The following NAV1 variants were observed in gnomAD, a reference collection of about 807,000 sequenced individuals.
NAV1 encodes neuron navigator 1.
NAV1 carries 18 observed loss-of-function variants against 175.2 expected under a neutral mutation model. The ratio of observed to expected loss-of-function variants is 0.10; its 90% CI spans 0.07 to 0.15. NAV1 has a LOEUF of 0.15. Among genes scored for constraint, NAV1 ranks in the 10% least tolerant of loss-of-function variants. The pLI, the probability that NAV1 is intolerant of heterozygous loss-of-function variation, is 1.00. For synonymous variants in NAV1, 897 were observed against 978.7 expected (o/e 0.92, Z 1.56); for missense variants, 1,731 against 2,436.6 (o/e 0.71, Z 6.10).
At chr1:201,645,745 TCTG>T (rs900063634), upstream of NAV1, among the ~76,000 whole-genome samples, 12 of 152,202 alleles carry the variant, frequency 7.9e-5, no homozygotes, top group African/African-American at 2.9e-4. Flanking sequence ...TTTCCCTTTG[TCTG>T]CTAAGGAGAA....
rs113892310 is a variant in NAV1 at position 201,748,064 on chromosome 1, C to T, written c.1226+29309C>T. ...TTGTAGTTGCCTTTCCCTGGAAAGG[C>T]GGCTCTCTGAGTGAGAAAACTTCAT... On this transcript the variant is annotated intron_variant, in intron 3 of 29. Coordinates refer to ENST00000367296, the Ensembl canonical transcript of NAV1. 3.9e-5 allele frequency among the ~76,000 whole-genome samples: 6 copies of T among 152,302 alleles called. No homozygotes were observed. In the East Asian group the frequency reaches 9.6e-4, roughly 24 times the overall value.
At chr1:201,649,633 A>G (rs1446054719) in intron 1 of NAV1, among the ~76,000 whole-genome samples, 1 of 152,152 alleles carries the variant, frequency 6.6e-6, no homozygotes, top group African/African-American at 2.4e-5. Context: ...TCTTAAAGAC[A>G]TTACAGGCGG....
rs1184960764 is a variant in NAV1 at position 201,679,965 on chromosome 1, T to C, written c.757+30540T>C. Among the ~76,000 whole-genome samples the C allele has an allele frequency of 2.6e-5, 4 of 152,360 alleles. No homozygotes were observed. In the South Asian group the frequency reaches 6.2e-4, roughly 24 times the overall value. ...TGTACTCATGGGAGTGTTTATCTTA[T>C]ACTCTGAGTTATAATTCAGTACTAT... On this transcript the variant is annotated intron_variant, in intron 1 of 29. Coordinates refer to ENST00000367296, the Ensembl canonical transcript of NAV1.
chr1:201,815,775 G>A (rs1251286937), intron 28 of NAV1, among the ~76,000 whole-genome samples: 1 of 152,130 alleles, frequency 6.6e-6, no homozygotes, highest in Non-Finnish European at 1.5e-5. Flanking sequence ...TTTCACTCTT[G>A]TTGCCCAGGC....
chr1:201,727,865 A>G (rs1302224410), intron 3 of NAV1, among the ~76,000 whole-genome samples: 2 of 152,218 alleles, frequency 1.3e-5, no homozygotes, highest in Non-Finnish European at 2.9e-5. Flanking sequence ...GGCTGAGGGC[A>G]GCTCCTAGAG....
At chr1:201,773,807 T>C (rs544226802) in intron 3 of NAV1, among the ~76,000 whole-genome samples, 3 of 152,350 alleles carry the variant, frequency 2.0e-5, no homozygotes, top group African/African-American at 7.2e-5. Flanking sequence ...AATTTACCTC[T>C]ATAATCTGTT....
intron 2 of NAV1, among the ~76,000 whole-genome samples, chr1:201,640,668 CCAGGGCTT>C (rs1283371890): frequency 6.6e-6 from 1 of 152,158 alleles, no homozygotes; most frequent in Non-Finnish European, 1.5e-5. Flanking sequence ...TCACTCTGGC[CCAGGGCTT>C]CAGGGAAGGG....
chr1:201,648,451 C>G (rs1571862020), exon 1 of NAV1: 1 of 1,232,148 alleles, frequency 8.1e-7, no homozygotes, highest in Non-Finnish European at 1.0e-6. Context: ...TTCCTTTTTC[C>G]CGGCTTCCTT....
intron 2 of NAV1, among the ~76,000 whole-genome samples, 98 bp downstream of exon 2, chr1:201,588,747 T>C (rs950446856): frequency 7.9e-5 from 12 of 152,164 alleles, no homozygotes; most frequent in Non-Finnish European, 1.6e-4. Context: ...TAGTTATGGG[T>C]TTCTTTTGTT....
chr1:201,684,877 G>A (rs1670617648), intron 1 of NAV1, among the ~76,000 whole-genome samples: 2 of 150,836 alleles, frequency 1.3e-5, no homozygotes, highest in African/African-American at 4.9e-5. Flanking sequence ...GCAGGAGAAT[G>A]ACGTGACCCC....
rs146975854 is a variant in NAV1, at chr1:201,626,684, T to C, written c.-100-2720T>C. On this transcript the variant is annotated intron_variant, in intron 1 of 29. Coordinates refer to the NAV1 transcript ENST00000367302. ...CTTTTCCCAACTGCCAGTGCACCCT[T>C]TACCACCTCCCTAACCCCCAACAGT... is the stretch of plus-strand genomic sequence containing the variant. 6.2e-3 allele frequency among the ~76,000 whole-genome samples: 944 copies of C among 152,316 alleles called. 8 individuals carry two copies. The highest frequency in any genetic ancestry group is 8.3e-3 in the Non-Finnish European group (564 of 68,016).
intron 1 of NAV1, among the ~76,000 whole-genome samples, chr1:201,548,510 A>G (rs186737954): frequency 5.9e-5 from 9 of 152,306 alleles, no homozygotes; most frequent in Non-Finnish European, 1.2e-4. Context: ...GCAGTGAGCT[A>G]TGATTGCACG....
Position 201,642,557 on chromosome 1 carries a change from T to TTCCTTCCTTCCTTCCTTCCTTCCTCTTTC in NAV1, c.5-6076_5-6075insCCTTCCTTCCTTCCTTCCTTCCTCTTTCT, listed in dbSNP as rs1668819760. On this transcript the variant is annotated intron_variant, in intron 2 of 29. Transcript: ENST00000367302. ...TCTTTCTTTCTTTCTTTCTTTCTTT[T>TTCCTTCCTTCCTTCCTTCCTTCCTCTTTC]TTCCCTTTCTTCCCTTCCTTCTCTT... Among the ~76,000 whole-genome samples the TTCCTTCCTTCCTTCCTTCCTTCCTCTTTC allele has an allele frequency of 1.8e-4, 19 of 106,086 alleles. 1 individual carries two copies. The highest frequency in any genetic ancestry group is 6.8e-4 in the African/African-American group (16 of 23,568). The allele number at this position is 106,086 out of a possible 152,430, so 69.6% of individuals were successfully genotyped here. A position where few individuals can be genotyped will look rare whatever the true frequency, so the allele number is the denominator to read the frequency against.
chr1:201,786,375 AC>A lies in NAV1; in HGVS notation c.2847-52del, dbSNP rs975430786. On this transcript the variant is annotated intron_variant, in intron 8 of 29. Transcript: ENST00000367296. ...TTCAGACACCCTCCGCACCAACTAA[AC>A]CTCTGACCGCACTTGCTAGTCCCAG... is the stretch of plus-strand genomic sequence containing the variant. 548 of 1,564,676 alleles carry A rather than the reference AC, an allele frequency of 3.5e-4. 6 individuals carry two copies. The Admixed American group carries it at 9.5e-3, about 27-fold the overall frequency.
intron 3 of NAV1, among the ~76,000 whole-genome samples, chr1:201,732,763 T>C (rs1054935620): frequency 6.6e-6 from 1 of 152,212 alleles, no homozygotes; most frequent in African/African-American, 2.4e-5. Context: ...TAGGCATTGC[T>C]CTTAAACTCA....
chr1:201,761,290 T>C (rs1674825199), intron 3 of NAV1, among the ~76,000 whole-genome samples: 1 of 152,220 alleles, frequency 6.6e-6, no homozygotes, highest in Admixed American at 6.5e-5. Flanking sequence ...CGGGGAATAA[T>C]GTGTTCAGAG....
At chr1:201,741,047 C>G (rs555049258) in intron 3 of NAV1, among the ~76,000 whole-genome samples, 2 of 152,242 alleles carry the variant, frequency 1.3e-5, no homozygotes, top group Admixed American at 1.3e-4. Context: ...CCACTCCCAC[C>G]TCAAATCTCA....
intron 2 of NAV1, among the ~76,000 whole-genome samples, chr1:201,632,850 C>T (rs1441001148): frequency 6.6e-6 from 1 of 152,184 alleles, no homozygotes; most frequent in East Asian, 1.9e-4. Context: ...GAGCTGGCTC[C>T]ATCTTTAAGC....
At chr1:201,711,301 G>A (rs1424453073) in intron 1 of NAV1, among the ~76,000 whole-genome samples, 1 of 152,228 alleles carries the variant, frequency 6.6e-6, no homozygotes, top group Non-Finnish European at 1.5e-5. Flanking sequence ...AAGGAGGGAT[G>A]GCTGGGCTTG....
Sources: gnomAD v4.1 joint callset for allele counts (sites outside exome capture counted in the v4.1 genomes callset) on GRCh38, gnomAD v4.1.1 for gene constraint, MANE v1.5 for transcripts, NCBI Gene and HGNC (gene_info 2026-07-23, HGNC 2026-07-21) for gene names.